Variants in NKAIN3 observed in about 807,000 individuals in gnomAD.
The protein encoded by NKAIN3 is sodium/potassium-transporting ATPase subunit beta-1-interacting protein 3.
NKAIN3 carries 25 observed loss-of-function variants against 30.2 expected under a neutral mutation model. The observed-to-expected ratio is 0.83, with a 90% CI of 0.60 to 1.16. NKAIN3 has a LOEUF of 1.16. Among genes scored for constraint, NKAIN3 ranks in the 50% most tolerant of loss-of-function variants. NKAIN3 has a pLI of 0.00. For missense variants in NKAIN3, 225 were observed against 254.1 expected (o/e 0.89, Z 0.78); for synonymous variants, 91 against 89.6 (o/e 1.02, Z -0.09).
At chr8:62,406,673 C>A (rs1753337231) in intron 1 of NKAIN3, among the ~76,000 whole-genome samples, 2 of 151,994 alleles carry the variant, frequency 1.3e-5, no homozygotes, top group Admixed American at 6.6e-5. Context: ...TTAATTTAGA[C>A]CTCAAAATAT....
intron 4 of NKAIN3, among the ~76,000 whole-genome samples, chr8:62,822,384 A>T (rs923112113): frequency 3.3e-5 from 5 of 152,166 alleles, no homozygotes; most frequent in Non-Finnish European, 7.3e-5. Context: ...TAAATTATGT[A>T]CTAATCAATT....
intron 3 of NKAIN3, among the ~76,000 whole-genome samples, chr8:62,722,078 G>C (rs1344393032): frequency 6.6e-6 from 1 of 152,184 alleles, no homozygotes; most frequent in Non-Finnish European, 1.5e-5. Context: ...GGGGAGAAAA[G>C]AGGATGTTTT....
chr8:62,784,501 C>T (rs1817456301), intron 4 of NKAIN3, among the ~76,000 whole-genome samples: 1 of 151,742 alleles, frequency 6.6e-6, no homozygotes, highest in South Asian at 2.1e-4. Context: ...ATACTATGAG[C>T]AACTGTATGC....
chr8:62,711,769 C>T (rs1224597583), intron 3 of NKAIN3, among the ~76,000 whole-genome samples: 1 of 152,106 alleles, frequency 6.6e-6, no homozygotes. Flanking sequence ...TGGTTTGGAT[C>T]CATTGCTGGT....
At chr8:62,611,889 A>G (rs1047583165) in intron 3 of NKAIN3, among the ~76,000 whole-genome samples, 3 of 152,058 alleles carry the variant, frequency 2.0e-5, no homozygotes, top group African/African-American at 7.2e-5. Context: ...TGGTTGTACT[A>G]ATTTACATTC....
At chr8:62,363,071 G>A (rs1428939903) in intron 1 of NKAIN3, among the ~76,000 whole-genome samples, 26 of 152,124 alleles carry the variant, frequency 1.7e-4, no homozygotes, top group Admixed American at 1.7e-3. Context: ...GAAGTATGGA[G>A]TTCTTCTCAG....
At chr8:62,767,494 C>G (rs1235936322) in intron 4 of NKAIN3, among the ~76,000 whole-genome samples, 1 of 152,130 alleles carries the variant, frequency 6.6e-6, no homozygotes, top group Non-Finnish European at 1.5e-5. Flanking sequence ...TTATGCTCAA[C>G]CCAGCTCTAC....
At chr8:62,467,352 A>T (rs1387126894) in intron 1 of NKAIN3, among the ~76,000 whole-genome samples, 1 of 152,202 alleles carries the variant, frequency 6.6e-6, no homozygotes, top group Non-Finnish European at 1.5e-5. Flanking sequence ...GTGGCAATGA[A>T]ATCACAATCA....
chr8:62,582,266 C>T (rs895344663), intron 2 of NKAIN3, among the ~76,000 whole-genome samples: 1 of 151,696 alleles, frequency 6.6e-6, no homozygotes, highest in East Asian at 1.9e-4. Flanking sequence ...GAGCTTCTAC[C>T]CTGTGTTTGG....
At chr8:62,808,929 G>T (rs930991287) in intron 4 of NKAIN3, among the ~76,000 whole-genome samples, 4 of 152,128 alleles carry the variant, frequency 2.6e-5, no homozygotes, top group African/African-American at 9.7e-5. Context: ...AGCGCTACGG[G>T]AGACCAGGGC....
intron 3 of NKAIN3, among the ~76,000 whole-genome samples, chr8:62,736,512 C>T (rs1291360184): frequency 1.3e-5 from 2 of 152,102 alleles, no homozygotes; most frequent in Non-Finnish European, 2.9e-5. Context: ...ACCAAAGCCC[C>T]GACTCACTCT....
chr8:62,867,653 T>A (rs1820469869), intron 4 of NKAIN3, among the ~76,000 whole-genome samples: 1 of 152,200 alleles, frequency 6.6e-6, no homozygotes, highest in Non-Finnish European at 1.5e-5. Flanking sequence ...AGGATGGGAA[T>A]AGTGAGGTTC....
At chr8:62,613,069 G>T (rs878897212) in intron 3 of NKAIN3, among the ~76,000 whole-genome samples, 5 of 152,028 alleles carry the variant, frequency 3.3e-5, no homozygotes, top group African/African-American at 1.2e-4. Context: ...CAGTTACAGT[G>T]TTATAGTATT....
At chr8:62,422,483 A>G (rs1448782735) in intron 1 of NKAIN3, among the ~76,000 whole-genome samples, 1 of 152,176 alleles carries the variant, frequency 6.6e-6, no homozygotes, top group Non-Finnish European at 1.5e-5. Flanking sequence ...TGATTAACAT[A>G]TCAGTGAAGT....
chr8:62,813,612 T>C (rs1041342299), intron 4 of NKAIN3, among the ~76,000 whole-genome samples: 1 of 151,938 alleles, frequency 6.6e-6, no homozygotes, highest in African/African-American at 2.4e-5. Flanking sequence ...TCTATTACTT[T>C]GTTGGTAGTT....
intron 1 of NKAIN3, among the ~76,000 whole-genome samples, chr8:62,382,155 G>A (rs1425199378): frequency 6.6e-6 from 1 of 152,000 alleles, no homozygotes. Flanking sequence ...AAGGCTTATG[G>A]TTAACATAAA....
chr8:62,322,412 G>C (rs1456095323), intron 1 of NKAIN3, among the ~76,000 whole-genome samples: 2 of 152,156 alleles, frequency 1.3e-5, no homozygotes, highest in African/African-American at 4.8e-5. Flanking sequence ...CCCGTCTTCT[G>C]TGTCGCTCAC....
intron 1 of NKAIN3, among the ~76,000 whole-genome samples, chr8:62,392,872 T>TA (rs1217952597): frequency 6.6e-6 from 1 of 152,048 alleles, no homozygotes; most frequent in Non-Finnish European, 1.5e-5. Flanking sequence ...ATATATGACT[T>TA]AGAGATAAGG....
intron 1 of NKAIN3, among the ~76,000 whole-genome samples, chr8:62,317,945 T>C (rs1814705743): frequency 6.6e-6 from 1 of 152,192 alleles, no homozygotes; most frequent in Admixed American, 6.5e-5. Context: ...TATCCTCTTG[T>C]ATTTCATTGA....
Sources: allele counts gnomAD v4.1 joint callset (sites outside exome capture counted in the v4.1 genomes callset), GRCh38; gene constraint gnomAD v4.1.1; transcripts MANE v1.5; gene names NCBI Gene and HGNC (gene_info 2026-07-23, HGNC 2026-07-21).